PBX1: variants seen among roughly 807,000 people sequenced by gnomAD.
PBX1 encodes pre-B-cell leukemia transcription factor 1.
PBX1 carries 6 observed loss-of-function variants against 53.4 expected under a neutral mutation model. The ratio of observed to expected loss-of-function variants is 0.11; its 90% confidence interval spans 0.06 to 0.22. PBX1 has a LOEUF of 0.22. Ranked by LOEUF, PBX1 falls within the 10% of genes least tolerant of loss-of-function variation. The pLI, the probability that PBX1 is intolerant of heterozygous loss-of-function variation, is 1.00. For missense variants in PBX1, 251 were observed against 551.4 expected (o/e 0.46, Z 5.46); for synonymous variants, 204 against 212.3 (o/e 0.96, Z 0.34).
intron 2 of PBX1, chr1:164,770,997 C>CA (rs1667339169): frequency 6.6e-6 from 1 of 152,028 alleles, no homozygotes. Context: ...GTACACTTCA[C>CA]TCCCAGGCCT....
chr1:164,829,306 C>T (rs985154492), intron 8 of PBX1: 1 of 152,128 alleles, frequency 6.6e-6, no homozygotes, highest in African/African-American at 2.4e-5. Flanking sequence ...ATATGAATTG[C>T]TTATAAGCAT....
chr1:164,839,862 G>GGCA (rs368566415), intron 8 of PBX1, among the ~76,000 whole-genome samples: 126 of 152,074 alleles, frequency 8.3e-4, no homozygotes, highest in African/African-American at 3.0e-3. Flanking sequence ...GTGGTGGTGT[G>GGCA]GCATTGATAT....
intron 2 of PBX1, among the ~76,000 whole-genome samples, chr1:164,663,338 C>T (rs955996671): frequency 6.6e-6 from 1 of 152,134 alleles, no homozygotes; most frequent in East Asian, 1.9e-4. Flanking sequence ...TCTTCCCTTT[C>T]CTCCTTCCTT....
chr1:164,781,695 C>T (rs1667944018), intron 2 of PBX1, among the ~76,000 whole-genome samples: 1 of 152,074 alleles, frequency 6.6e-6, no homozygotes, highest in Non-Finnish European at 1.5e-5. Context: ...TTTCCCTGTT[C>T]CCTCATCCCG....
intron 2 of PBX1, among the ~76,000 whole-genome samples, chr1:164,637,466 G>A (rs1658850946): frequency 6.6e-6 from 1 of 152,204 alleles, no homozygotes; most frequent in Non-Finnish European, 1.5e-5. Flanking sequence ...GAGTTCAAGT[G>A]CCTACTGGGA....
intron 8 of PBX1, among the ~76,000 whole-genome samples, chr1:164,826,487 C>T (rs1380884914): frequency 6.6e-6 from 1 of 152,104 alleles, no homozygotes; most frequent in Admixed American, 6.5e-5. Context: ...TCACTGCAAC[C>T]TCTGCCTCCT....
intron 2 of PBX1, among the ~76,000 whole-genome samples, chr1:164,610,303 A>G (rs1656825874): frequency 6.6e-6 from 1 of 152,092 alleles, no homozygotes; most frequent in Admixed American, 6.5e-5. Context: ...CCTTTGAAGC[A>G]AGAAGGGGCT....
At chr1:164,801,839 C>G (rs1294843242) in intron 4 of PBX1, among the ~76,000 whole-genome samples, 1 of 152,134 alleles carries the variant, frequency 6.6e-6, no homozygotes, top group Non-Finnish European at 1.5e-5. Context: ...AGAACATGAC[C>G]CCAAATTCCA....
chr1:164,599,029 T>G lies in PBX1; in HGVS notation c.265+35718T>G, dbSNP rs151259776. Among the ~76,000 whole-genome samples, 299 of 152,078 alleles carry G rather than the reference T, an allele frequency of 2.0e-3. 1 individual carries two copies. The highest frequency in any genetic ancestry group is 3.6e-3 in the Non-Finnish European group (248 of 67,992). Reference sequence around the variant, plus strand: ...GCCCTGCTGATAGACATCACGGTGTTTCTTTACACCAGATTTATTTTCTGT... The same window carrying G: ...GCCCTGCTGATAGACATCACGGTGTGTCTTTACACCAGATTTATTTTCTGT... On this transcript the variant is annotated intron_variant, in intron 2 of 8. Transcript: ENST00000420696.
chr1:164,705,985 T>C (rs1663400722), intron 2 of PBX1, among the ~76,000 whole-genome samples: 1 of 152,246 alleles, frequency 6.6e-6, no homozygotes, highest in Admixed American at 6.5e-5. Context: ...CTAAAATGTT[T>C]TCAAAAGGAC....
At chr1:164,734,741 T>C (rs1665176901) in intron 2 of PBX1, among the ~76,000 whole-genome samples, 1 of 152,194 alleles carries the variant, frequency 6.6e-6, no homozygotes, top group South Asian at 2.1e-4. Flanking sequence ...TCGTTATATT[T>C]ACTTAAGTGC....
chr1:164,615,522 A>G (rs772660523), intron 2 of PBX1, among the ~76,000 whole-genome samples: 7 of 152,116 alleles, frequency 4.6e-5, no homozygotes, highest in Admixed American at 2.0e-4. Context: ...ATAGATGACA[A>G]CTGCTCAAAC....
intron 2 of PBX1, among the ~76,000 whole-genome samples, chr1:164,564,799 A>T (rs1056970558): frequency 1.3e-4 from 20 of 151,710 alleles, no homozygotes; most frequent in Admixed American, 5.3e-4. Context: ...CCAGAGTAGG[A>T]AACTTAAGTG....
chr1:164,690,958 G>T (rs1224605183), intron 2 of PBX1, among the ~76,000 whole-genome samples: 2 of 149,974 alleles, frequency 1.3e-5, no homozygotes, highest in African/African-American at 4.9e-5. Flanking sequence ...AATGCAGGGG[G>T]TTCTGAAGGG....
chr1:164,606,478 A>G (rs1240875971), intron 2 of PBX1, among the ~76,000 whole-genome samples: 1 of 152,200 alleles, frequency 6.6e-6, no homozygotes, highest in Admixed American at 6.5e-5. Flanking sequence ...GGTTGCAGTG[A>G]GCTATGAGAA....
At chr1:164,621,243 T>A (rs1657657264) in intron 2 of PBX1, among the ~76,000 whole-genome samples, 1 of 152,212 alleles carries the variant, frequency 6.6e-6, no homozygotes, top group Admixed American at 6.5e-5. Flanking sequence ...TGCCTCAGCC[T>A]CCCAAAGTGC....
intron 2 of PBX1, among the ~76,000 whole-genome samples, chr1:164,671,862 G>C (rs1661133834): frequency 6.6e-6 from 1 of 152,140 alleles, no homozygotes; most frequent in Non-Finnish European, 1.5e-5. Context: ...GAGCTCATCA[G>C]ACAGAGCCTG....
intron 2 of PBX1, among the ~76,000 whole-genome samples, chr1:164,742,126 A>T (rs1026426444): frequency 6.6e-6 from 1 of 152,166 alleles, no homozygotes. Context: ...GAAACTGCAG[A>T]TTAGGGAAAC....
intron 8 of PBX1, among the ~76,000 whole-genome samples, chr1:164,832,020 G>GAT (rs1670792605): frequency 6.6e-6 from 1 of 152,192 alleles, no homozygotes; most frequent in Admixed American, 6.5e-5. Flanking sequence ...AAGTTTTTGA[G>GAT]ATATATAAAA....
Sources: gnomAD v4.1 joint callset for allele counts (sites outside exome capture counted in the v4.1 genomes callset) on GRCh38, gnomAD v4.1.1 for gene constraint, MANE v1.5 for transcripts, NCBI Gene and HGNC (gene_info 2026-07-23, HGNC 2026-07-21) for gene names.